Variants in YAP1 observed in about 807,000 individuals in gnomAD.
The protein encoded by YAP1 is Yes1 associated transcriptional regulator.
In YAP1, 5 loss-of-function variants were observed where a neutral mutation model predicts 56.9. The ratio of observed to expected loss-of-function variants is 0.09; its 90% CI spans 0.05 to 0.18. The LOEUF is 0.18. Among genes scored for constraint, YAP1 ranks in the 10% least tolerant of loss-of-function variants. The pLI is 1.00. For synonymous variants in YAP1, 265 were observed against 248.1 expected, an observed-to-expected ratio of 1.07 and a Z score of -0.64; for missense variants, 539 against 651.8, an observed-to-expected ratio of 0.83 and a Z score of 1.88.
chr11:102,219,300 A>AT (rs1474413791), intron 6 of YAP1, among the ~76,000 whole-genome samples: 20 of 152,146 alleles, frequency 1.3e-4, no homozygotes, highest in African/African-American at 4.6e-4. Flanking sequence ...AGAGTAATTC[A>AT]TTCACTCTGG....
intron 3 of YAP1, among the ~76,000 whole-genome samples, chr11:102,182,412 GCC>G (rs1181725140): frequency 6.6e-6 from 1 of 152,058 alleles, no homozygotes. Flanking sequence ...CCTAACCCTA[GCC>G]CAAACAGATG....
At chr11:102,190,671 C>G (rs1440281212) in intron 4 of YAP1, among the ~76,000 whole-genome samples, 1 of 152,048 alleles carries the variant, frequency 6.6e-6, no homozygotes, top group Non-Finnish European at 1.5e-5. Flanking sequence ...GATGCAGTGG[C>G]TCACGCCTGT....
chr11:102,219,954 C>T (rs1041824263), intron 6 of YAP1, among the ~76,000 whole-genome samples: 1 of 151,612 alleles, frequency 6.6e-6, no homozygotes, highest in African/African-American at 2.4e-5. Flanking sequence ...GGCTGGTCTC[C>T]AACTCCTGAC....
At position 102,229,696 on chromosome 11, in the gene YAP1, C is replaced by T. The variant is rs767946149; in HGVS notation, c.1277-6C>T. The T allele has an allele frequency of 1.2e-6, 2 of 1,611,686 alleles. No individual in the cohort carries two copies. The highest frequency in any genetic ancestry group is 1.7e-6 in the Non-Finnish European group (2 of 1,177,984). ...GGACTTTGTTATCTCTGTGTGTTTCCACTAGGTGATACTATCAACCAAAGC... is the reference window on the plus strand; with the variant it reads ...GGACTTTGTTATCTCTGTGTGTTTCTACTAGGTGATACTATCAACCAAAGC... On this transcript the variant is annotated splice_region_variant and splice_polypyrimidine_tract_variant and intron_variant, in intron 8 of 8. Coordinates refer to ENST00000282441, the MANE Select transcript of YAP1 (RefSeq NM_001130145.3).
At chr11:102,175,580 A>G (rs1947195408) in intron 3 of YAP1, among the ~76,000 whole-genome samples, 1 of 152,198 alleles carries the variant, frequency 6.6e-6, no homozygotes, top group Non-Finnish European at 1.5e-5. Flanking sequence ...GTGATTTCAT[A>G]ATTGTATAAA....
At chr11:102,118,891 A>G (rs1349475162) in intron 2 of YAP1, among the ~76,000 whole-genome samples, 1 of 152,112 alleles carries the variant, frequency 6.6e-6, no homozygotes, top group Non-Finnish European at 1.5e-5. Flanking sequence ...AGTTTCATGA[A>G]GAATAAGGCT....
At chr11:102,200,196 A>T (rs189410873) in intron 4 of YAP1, among the ~76,000 whole-genome samples, 7 of 152,364 alleles carry the variant, frequency 4.6e-5, no homozygotes, top group Non-Finnish European at 8.8e-5. Context: ...TCTGGAAATA[A>T]CAAAATGTCA....
At chr11:102,206,301 G>A (rs1443863887) in intron 5 of YAP1, among the ~76,000 whole-genome samples, 1 of 152,200 alleles carries the variant, frequency 6.6e-6, no homozygotes, top group Non-Finnish European at 1.5e-5. Flanking sequence ...ATCATGAAGA[G>A]CTGTTTTGGT....
At chr11:102,125,144 G>A (rs926571324) in intron 2 of YAP1, among the ~76,000 whole-genome samples, 5 of 149,294 alleles carry the variant, frequency 3.3e-5, no homozygotes, top group African/African-American at 7.4e-5. Context: ...TCAGGTGATC[G>A]TCCTGCCTTA....
At chr11:102,181,904 T>C (rs1318329262) in intron 3 of YAP1, among the ~76,000 whole-genome samples, 1 of 152,202 alleles carries the variant, frequency 6.6e-6, no homozygotes, top group East Asian at 1.9e-4. Flanking sequence ...CACTGCAACC[T>C]CCACCTCCCA....
intron 1 of YAP1, among the ~76,000 whole-genome samples, 189 bp downstream of exon 1, chr11:102,111,358 C>G (rs1005574944): frequency 2.6e-5 from 4 of 152,140 alleles, no homozygotes; most frequent in African/African-American, 9.6e-5. Context: ...CCCCACTCCT[C>G]CCAGAGTCCG....
intron 6 of YAP1, among the ~76,000 whole-genome samples, chr11:102,215,466 A>G (rs1353187351): frequency 6.6e-6 from 1 of 152,132 alleles, no homozygotes; most frequent in Admixed American, 6.6e-5. Context: ...TCCCCAAATC[A>G]TTAATTCTTA....
rs1194277104 is a variant in YAP1 at position 102,186,842 on chromosome 11, G to GTGTGTGTGTGTGTGTGTA, written c.802+716_802+717insGTGTGTGTGTGTATGTGT. Among the ~76,000 whole-genome samples, 3 of 151,662 alleles carry GTGTGTGTGTGTGTGTGTA rather than the reference G, an allele frequency of 2.0e-5. No individual in the cohort carries two copies. The South Asian group carries it at 6.3e-4, about 32-fold the overall frequency. Reference sequence around the variant, plus strand: ...TGTGTGTGTGTGTGTGTGTGTGTGTGTGTGTTTTAAACTGTTTTCAGTTTT... The same window carrying GTGTGTGTGTGTGTGTGTA: ...TGTGTGTGTGTGTGTGTGTGTGTGTGTGTGTGTGTGTGTGTGTATGTGTTTTAAACTGTTTTCAGTTTT... On this transcript the variant is annotated intron_variant, in intron 4 of 8. Coordinates refer to ENST00000282441, the MANE Select transcript of YAP1 (RefSeq NM_001130145.3).
intron 2 of YAP1, among the ~76,000 whole-genome samples, chr11:102,124,668 G>C (rs1416724898): frequency 6.6e-6 from 1 of 151,770 alleles, no homozygotes; most frequent in Non-Finnish European, 1.5e-5. Flanking sequence ...TTAGCATTTT[G>C]TTATGTTTTC....
Position 102,143,494 on chromosome 11 carries a change from A to T in YAP1, c.573-18962A>T, listed in dbSNP as rs1472168386. Among the ~76,000 whole-genome samples, 2 of 152,190 alleles carry T rather than the reference A, an allele frequency of 1.3e-5. 1 individual carries two copies. Among genetic ancestry groups the T allele is most frequent in the South Asian group, 4.1e-4 (2 of 4,826 alleles). On this transcript the variant is annotated intron_variant, in intron 2 of 8. Coordinates refer to ENST00000282441, the MANE Select transcript of YAP1 (RefSeq NM_001130145.3). ...AGATGGGTAGACCCTCATTGTACAG[A>T]TGTGGAAATGTTCACCAACATTAGC...
At chr11:102,202,952 G>T (rs1160288453) in intron 4 of YAP1, among the ~76,000 whole-genome samples, 5 of 152,198 alleles carry the variant, frequency 3.3e-5, no homozygotes, top group Non-Finnish European at 5.9e-5. Context: ...AAAGCATGCT[G>T]CATAGTACTA....
intron 2 of YAP1, among the ~76,000 whole-genome samples, chr11:102,125,135 C>T (rs1274446075): frequency 6.6e-6 from 1 of 151,470 alleles, no homozygotes; most frequent in African/African-American, 2.4e-5. Context: ...TTCTGAACCT[C>T]AGGTGATCGT....
chr11:102,183,920 C>CA (rs956824054), intron 3 of YAP1, among the ~76,000 whole-genome samples: 3 of 151,320 alleles, frequency 2.0e-5, no homozygotes, highest in African/African-American at 4.9e-5. Context: ...ACTAAAAATA[C>CA]AAAAAAATTA....
At chr11:102,169,425 C>G (rs937244147) in intron 3 of YAP1, among the ~76,000 whole-genome samples, 1 of 152,012 alleles carries the variant, frequency 6.6e-6, no homozygotes, top group South Asian at 2.1e-4. Context: ...TAGTTGGTTC[C>G]TGATTCTTCT....
Sources: allele counts gnomAD v4.1 joint callset (sites outside exome capture counted in the v4.1 genomes callset), GRCh38; gene constraint gnomAD v4.1.1; transcripts MANE v1.5; gene names NCBI Gene and HGNC (gene_info 2026-07-23, HGNC 2026-07-21).